The following KPNA3 variants were observed in gnomAD, a reference collection of about 807,000 sequenced individuals.
KPNA3 encodes the protein karyopherin subunit alpha 3, also known as importin subunit alpha-4.
A neutral mutation model predicts 73.8 loss-of-function variants in KPNA3; 13 were observed. The observed-to-expected ratio is 0.18, with a 90% CI of 0.11 to 0.28. The LOEUF is 0.28. Among genes scored for constraint, KPNA3 ranks in the 10% least tolerant of loss-of-function variants. The probability of loss-of-function intolerance (pLI) is 1.00; values close to 1 mark genes in which losing one functional copy is unlikely to be tolerated. For missense variants in KPNA3, 360 were observed against 618.1 expected (o/e 0.58, Z 4.43); for synonymous variants, 186 against 206.9 (o/e 0.90, Z 0.87).
intron 1 of KPNA3, among the ~76,000 whole-genome samples, chr13:49,776,158 C>A (rs1954896773): frequency 6.6e-6 from 1 of 152,124 alleles, no homozygotes; most frequent in Non-Finnish European, 1.5e-5. Context: ...TCAAGAGATC[C>A]ACCCACCTCA....
chr13:49,777,736 C>A (rs1954909140), intron 1 of KPNA3, among the ~76,000 whole-genome samples: 1 of 150,910 alleles, frequency 6.6e-6, no homozygotes, highest in Non-Finnish European at 1.5e-5. Context: ...GTCTAGAACT[C>A]CTGGCTTCAA....
chr13:49,757,815 A>C (rs915752123), intron 1 of KPNA3, among the ~76,000 whole-genome samples: 1 of 152,178 alleles, frequency 6.6e-6, no homozygotes, highest in African/African-American at 2.4e-5. Flanking sequence ...CATACCATGG[A>C]ACACCATATA....
intron 11 of KPNA3, among the ~76,000 whole-genome samples, chr13:49,710,689 A>C (rs867507987): frequency 5.3e-5 from 8 of 152,222 alleles, no homozygotes; most frequent in Non-Finnish European, 1.0e-4. Flanking sequence ...AGGGTCAAGA[A>C]CAATTGGCTA....
chr13:49,738,261 G>A (rs9535316), intron 2 of KPNA3, among the ~76,000 whole-genome samples: 128,748 of 152,156 alleles, frequency 0.85, 54,693 homozygotes, highest in East Asian at 1. Flanking sequence ...TGATTACTAT[G>A]GCTATATACT....
intron 1 of KPNA3, among the ~76,000 whole-genome samples, chr13:49,767,182 C>T (rs1176685817): frequency 6.6e-6 from 1 of 151,428 alleles, no homozygotes; most frequent in Non-Finnish European, 1.5e-5. Flanking sequence ...TTTGGGAGGC[C>T]GAGGTGGGCG....
chr13:49,726,499 T>TTGTGCATGTGTGTGTG, intron 6 of KPNA3, among the ~76,000 whole-genome samples: 1 of 152,194 alleles, frequency 6.6e-6, no homozygotes, highest in Admixed American at 6.5e-5. Context: ...AACAGGGTGT[T>TTGTGCATGTGTGTGTG]TGTGCATGTG....
At chr13:49,719,964 G>T (rs1303287506) in intron 9 of KPNA3, 145 bp from the exon 10 acceptor site, 3 of 561,184 alleles carry the variant, frequency 5.3e-6, no homozygotes, top group Non-Finnish European at 9.2e-6. Context: ...TTAGGAAAAT[G>T]AAAACCTGAT....
intron 2 of KPNA3, among the ~76,000 whole-genome samples, chr13:49,739,868 T>G (rs9568317): frequency 0.43 from 64,918 of 152,020 alleles, 14,382 homozygotes; most frequent in South Asian, 0.59. Flanking sequence ...AAACATATTA[T>G]TTTTAAAAAG....
At position 49,792,550 on chromosome 13, in the gene KPNA3, G is replaced by GGCGGCTACTCCTGTGGCTGCGGCT; in HGVS notation, c.-45_-44insAGCCGCAGCCACAGGAGTAGCCGC. On this transcript the variant is annotated 5_prime_UTR_variant, in exon 1 of 17. Transcript: ENST00000261667. ...CGGCGGCTACTCCTGCGGCTGCGGC[G>GGCGGCTACTCCTGTGGCTGCGGCT]GCGGCGGCGGCGAATCTTGGAGCGG... 7.2e-7 allele frequency: 1 copy of GGCGGCTACTCCTGTGGCTGCGGCT among 1,386,642 alleles called. No homozygotes were observed. Among genetic ancestry groups the GGCGGCTACTCCTGTGGCTGCGGCT allele is most frequent in the Non-Finnish European group, 1.0e-6 (1 of 1,003,540 alleles). 85.9% of individuals were successfully genotyped at this position (1,386,642 alleles called of 1,614,324 possible).
chr13:49,719,892 A>G, intron 9 of KPNA3, 73 bp from the exon 10 acceptor site: 2 of 963,394 alleles, frequency 2.1e-6, no homozygotes, highest in Non-Finnish European at 3.3e-6. Flanking sequence ...ACTTTGACAT[A>G]AAAAGCGGTA....
chr13:49,745,906 AC>A (rs1208641567), intron 2 of KPNA3, among the ~76,000 whole-genome samples: 8 of 151,314 alleles, frequency 5.3e-5, no homozygotes, highest in African/African-American at 1.9e-4. Context: ...TACTAAAAAT[AC>A]AAAAAATTAG....
intron 1 of KPNA3, among the ~76,000 whole-genome samples, chr13:49,766,863 C>T (rs1395208976): frequency 6.6e-6 from 1 of 151,750 alleles, no homozygotes; most frequent in Non-Finnish European, 1.5e-5. Context: ...AATTCCACTG[C>T]GTTAATATTA....
chr13:49,764,601 T>C (rs900633538), intron 1 of KPNA3, among the ~76,000 whole-genome samples: 4 of 152,164 alleles, frequency 2.6e-5, no homozygotes, highest in African/African-American at 9.7e-5. Context: ...TTTCATCCTA[T>C]CACAATGACA....
intron 6 of KPNA3, among the ~76,000 whole-genome samples, chr13:49,730,276 T>C (rs1354844568): frequency 6.6e-6 from 1 of 152,146 alleles, no homozygotes; most frequent in Non-Finnish European, 1.5e-5. Context: ...CTCATGCCTG[T>C]AATGTCTGCA....
intron 2 of KPNA3, among the ~76,000 whole-genome samples, chr13:49,744,970 A>AT (rs1239152818): frequency 1.3e-5 from 2 of 152,136 alleles, no homozygotes; most frequent in Non-Finnish European, 2.9e-5. Flanking sequence ...TGAATGCCCA[A>AT]TTTTAAAAAA....
intron 1 of KPNA3, among the ~76,000 whole-genome samples, chr13:49,784,651 C>T (rs1365758708): frequency 6.6e-6 from 1 of 152,128 alleles, no homozygotes; most frequent in Non-Finnish European, 1.5e-5. Context: ...CAGAACTTTA[C>T]CTGTCATAAT....
chr13:49,732,803 G>A, intron 3 of KPNA3, 27 bp from the exon 4 acceptor site: 1 of 1,522,240 alleles, frequency 6.6e-7, no homozygotes, highest in Non-Finnish European at 9.0e-7. Context: ...AAATAGTTCA[G>A]CAGAGTTTAT....
At chr13:49,715,897 A>G (rs1954299829) in intron 10 of KPNA3, among the ~76,000 whole-genome samples, 1 of 152,254 alleles carries the variant, frequency 6.6e-6, no homozygotes, top group African/African-American at 2.4e-5. Flanking sequence ...ATGCCTATCC[A>G]TAATAGTGTG....
At chr13:49,741,191 A>G (rs1411803490) in intron 2 of KPNA3, among the ~76,000 whole-genome samples, 1 of 152,010 alleles carries the variant, frequency 6.6e-6, no homozygotes, top group African/African-American at 2.4e-5. Flanking sequence ...TGGTAGTTCT[A>G]TTTTTAGGAA....
Sources: allele counts gnomAD v4.1 joint callset (sites outside exome capture counted in the v4.1 genomes callset), GRCh38; gene constraint gnomAD v4.1.1; transcripts MANE v1.5; gene names NCBI Gene and HGNC (gene_info 2026-07-23, HGNC 2026-07-21).